Variants in ZNF439 observed in about 807,000 individuals in gnomAD.
ZNF439 encodes zinc finger protein 439.
In ZNF439, 40 loss-of-function variants were observed where a neutral mutation model predicts 47.3. The observed-to-expected ratio is 0.85, with a 90% CI of 0.66 to 1.10. The LOEUF (loss-of-function observed/expected upper bound fraction) is 1.10, where lower values mean the gene tolerates loss of function less well. Ranked by LOEUF, ZNF439 falls within the 50% of genes least tolerant of loss-of-function variation. ZNF439 has a pLI of 0.00. For synonymous variants in ZNF439, 171 were observed against 198.8 expected (o/e 0.86, Z 1.18); for missense variants, 556 against 601.1 (o/e 0.93, Z 0.78).
intron 3 of ZNF439, 74 bp downstream of exon 3, chr19:11,866,671 TAAAAC>T: frequency 6.9e-7 from 1 of 1,456,848 alleles, no homozygotes; most frequent in Non-Finnish European, 9.4e-7. Flanking sequence ...TAAAAATAAG[TAAAAC>T]AAAGAACTAA....
Position 11,866,296 on chromosome 19 carries a change from T to A in ZNF439, c.155T>A (p.Val52Glu). Residue 52 changes from valine (V) to glutamate (E), a missense_variant, in exon 2 of 4, where the codon GTG becomes GAG. By Grantham distance (121) the Val-to-Glu change is moderately radical. Coordinates refer to ENST00000682736, the MANE Select transcript of ZNF439 (RefSeq NM_001348719.2). Reference sequence around the variant, plus strand: ...TCCCAGAAGAATCTCTACAGGGAAGTGATGCTGGAAACTTTCTGGAACCTG... The same window carrying A: ...TCCCAGAAGAATCTCTACAGGGAAGAGATGCTGGAAACTTTCTGGAACCTG... ...DISQKNLYRE[V>E]MLETFWNLTS... is the part of the protein sequence containing the mutation. 1 of 1,614,088 alleles carries A rather than the reference T, an allele frequency of 6.2e-7. No homozygotes were observed. Among genetic ancestry groups the A allele is most frequent in the Non-Finnish European group, 8.5e-7 (1 of 1,179,988 alleles).
In ZNF439 at chr19:11,868,199, G is replaced by C. The variant is rs1397553572; in HGVS notation, c.1145G>C (p.Ser382Thr). Reference protein sequence around the residue: ...KSFQRHEKTHSGEKPYKCKQC... With the variant: ...KSFQRHEKTHTGEKPYKCKQC... Reference sequence around the variant, plus strand: ...TTTCAAAGACATGAAAAAACTCACAGTGGAGAGAAACCGTATAAATGCAAG... The same window carrying C: ...TTTCAAAGACATGAAAAAACTCACACTGGAGAGAAACCGTATAAATGCAAG... Residue 382 changes from serine to threonine, a missense_variant, in exon 4 of 4, where the codon AGT (serine) becomes ACT (threonine). Ser to Thr is a moderately conservative substitution (Grantham distance 58). Transcript: ENST00000682736. 1.2e-6 allele frequency: 2 copies of C among 1,613,820 alleles called. No individual in the cohort carries two copies. Among genetic ancestry groups the C allele is most frequent in the Non-Finnish European group, 1.7e-6 (2 of 1,179,950 alleles).
intron 1 of ZNF439, 148 bp from the exon 2 acceptor site, chr19:11,866,057 T>C: frequency 6.6e-7 from 1 of 1,517,318 alleles, no homozygotes; most frequent in Non-Finnish European, 8.8e-7. Context: ...AGAAAGTAAG[T>C]ATAGACAGAG....
Position 11,869,067 on chromosome 19 carries a change from G to T in ZNF439, c.*498G>T. 1 of 241,820 alleles carries T rather than the reference G, an allele frequency of 4.1e-6. No homozygotes were observed. The highest frequency in any genetic ancestry group is 5.3e-5 in the South Asian group (1 of 18,766). 15.0% of individuals were successfully genotyped at this position (241,820 alleles called of 1,614,324 possible). ...GACTCATACGAGAGAGAATCCGTAT[G>T]AATGTAAGGATTGTGGGAAAGCATT... On this transcript the variant is annotated 3_prime_UTR_variant, in exon 4 of 4. Transcript: ENST00000682736.
chr19:11,852,477 C>A (rs997620666), intron 1 of ZNF439, among the ~76,000 whole-genome samples: 3 of 152,106 alleles, frequency 2.0e-5, no homozygotes, highest in Admixed American at 2.0e-4. Context: ...TAGAGATGCA[C>A]CAGCTTAAAT....
At chr19:11,848,962 G>C (rs1976150100) in intron 1 of ZNF439, 32 bp downstream of exon 1, 18 of 1,527,152 alleles carry the variant, frequency 1.2e-5, no homozygotes, top group Non-Finnish European at 1.6e-5. Context: ...GGTGCGATGG[G>C]GGAGGGGCTG....
At chr19:11,852,233 C>T (rs1216461638) in intron 1 of ZNF439, among the ~76,000 whole-genome samples, 5 of 152,094 alleles carry the variant, frequency 3.3e-5, no homozygotes, top group Admixed American at 2.6e-4. Context: ...CAAGCCTGGG[C>T]AACATAGTGA....
intron 1 of ZNF439, chr19:11,856,324 T>C (rs111367102): frequency 0.061 from 9,355 of 152,318 alleles, 374 homozygotes; most frequent in Middle Eastern, 0.12. Context: ...TCCTCAGGGA[T>C]TGTAAGGTAT....
chr19:11,848,971 T>A lies in ZNF439; in HGVS notation c.63+41T>A, dbSNP rs532024270. 8 of 1,507,230 alleles carry A rather than the reference T, an allele frequency of 5.3e-6. No individual in the cohort carries two copies. In the South Asian group the frequency reaches 7.9e-5, roughly 15 times the overall value. The allele number at this position is 1,507,230 out of a possible 1,614,324, so 93.4% of individuals were successfully genotyped here. Reference sequence around the variant, plus strand: ...GGGAGTGGTGCGATGGGGGAGGGGCTGCCTGGAACTGGCGGGACCCGGGCC... The same window carrying A: ...GGGAGTGGTGCGATGGGGGAGGGGCAGCCTGGAACTGGCGGGACCCGGGCC... On this transcript the variant is annotated intron_variant, in intron 1 of 3. Transcript: ENST00000682736.
In ZNF439 at chr19:11,848,929, T is replaced by G; in HGVS notation, c.62T>G (p.Met21Arg). 5 of 1,565,828 alleles carry G rather than the reference T, an allele frequency of 3.2e-6. No individual in the cohort carries two copies. The highest frequency in any genetic ancestry group is 4.3e-6 in the Non-Finnish European group (5 of 1,149,890). The change falls in exon 1 of 4, where the codon ATG becomes AGG. Residue 21 changes from methionine (M) to arginine (R), a missense_variant and splice_region_variant. Coordinates refer to ENST00000682736, the MANE Select transcript of ZNF439 (RefSeq NM_001348719.2). ...EDPGTSESRE[M>R]DPVAFKDVAV... ...CCCGGTACATCTGAAAGCCGGGAAA[T>G]GGTGCGTGTGCTGGCCGGGAGTGGT...
chr19:11,863,051 T>C (rs1224711856), intron 1 of ZNF439, among the ~76,000 whole-genome samples: 1 of 152,114 alleles, frequency 6.6e-6, no homozygotes, highest in Admixed American at 6.6e-5. Context: ...CCCAGCCTGT[T>C]TTCATTTGCT....
intron 1 of ZNF439, 35 bp from the exon 2 acceptor site, chr19:11,866,170 C>T (rs1976675598): frequency 6.2e-7 from 1 of 1,613,536 alleles, no homozygotes; most frequent in Admixed American, 1.7e-5. Context: ...CTGTCACTCT[C>T]ACCCATCCTC....
intron 1 of ZNF439, among the ~76,000 whole-genome samples, chr19:11,852,856 A>G (rs1390910133): frequency 6.6e-6 from 1 of 151,974 alleles, no homozygotes. Context: ...ATTTCTAGTT[A>G]TGTAATCAGA....
At chr19:11,858,482 AAG>A (rs57084792) in intron 1 of ZNF439, among the ~76,000 whole-genome samples, 27,971 of 143,648 alleles carry the variant, frequency 0.19, 4,136 homozygotes, top group African/African-American at 0.4. Context: ...AAAAAAAAAA[AAG>A]GGGGTCTATT....
rs771449229 is a variant in ZNF439 at position 11,867,432 on chromosome 19, T to C, written c.378T>C (p.Cys126=). The C allele has an allele frequency of 1.3e-5, 21 of 1,614,088 alleles. No individual in the cohort carries two copies. The East Asian group carries it at 2.0e-4, about 15-fold the overall frequency. ...KKKASPEVKS[C]DSFVCEVGLG... ...AAGCTTCTCCTGAAGTAAAATCATG[T>C]GACAGCTTTGTGTGTGAAGTTGGCC... The change falls in exon 4 of 4, where the codon TGT becomes TGC. Residue 126 remains cysteine, a synonymous_variant. Coordinates refer to ENST00000682736, the MANE Select transcript of ZNF439 (RefSeq NM_001348719.2).
intron 1 of ZNF439, 96 bp downstream of exon 1, chr19:11,849,026 C>G (rs1408534378): frequency 1.0e-5 from 14 of 1,355,846 alleles, no homozygotes; most frequent in Non-Finnish European, 9.7e-7. Flanking sequence ...GGTCTGGGAC[C>G]GAGTCCTCCT....
At chr19:11,855,722 A>T (rs1297412075) in intron 1 of ZNF439, among the ~76,000 whole-genome samples, 1 of 152,226 alleles carries the variant, frequency 6.6e-6, no homozygotes. Context: ...CAGGGAAAAC[A>T]TACTGCACAG....
intron 1 of ZNF439, among the ~76,000 whole-genome samples, chr19:11,853,189 A>G (rs1177572337): frequency 6.6e-6 from 1 of 151,876 alleles, no homozygotes; most frequent in Non-Finnish European, 1.5e-5. Flanking sequence ...TGGACTCTCA[A>G]AAGTGCTGGG....
chr19:11,854,915 A>T (rs997856253), intron 1 of ZNF439, among the ~76,000 whole-genome samples: 14 of 152,320 alleles, frequency 9.2e-5, no homozygotes, highest in African/African-American at 2.9e-4. Flanking sequence ...CCGTAAACTG[A>T]GTGGTGATAT....
Sources: gnomAD v4.1 joint callset for allele counts (sites outside exome capture counted in the v4.1 genomes callset) on GRCh38, gnomAD v4.1.1 for gene constraint, MANE v1.5 for transcripts, NCBI Gene and HGNC (gene_info 2026-07-23, HGNC 2026-07-21) for gene names.